Variants in CPNE8 observed in about 807,000 individuals in gnomAD.
CPNE8 encodes the protein copine-8.
In CPNE8, 45 loss-of-function variants were observed where a neutral mutation model predicts 81.5. The ratio of observed to expected loss-of-function variants is 0.55; its 90% CI spans 0.44 to 0.71. The LOEUF (loss-of-function observed/expected upper bound fraction) is 0.71. CPNE8 is among the 30% of genes least tolerant of loss of function. CPNE8 has a pLI of 0.00. For missense variants in CPNE8, 594 were observed against 672.1 expected (o/e 0.88, Z 1.28); for synonymous variants, 252 against 226.3 (o/e 1.11, Z -1.02).
chr12:38,797,319 C>T (rs1038727543), intron 6 of CPNE8, among the ~76,000 whole-genome samples: 1 of 152,172 alleles, frequency 6.6e-6, no homozygotes, highest in Non-Finnish European at 1.5e-5. Flanking sequence ...AGACTGACAC[C>T]TCACACGGCC....
At chr12:38,716,362 C>G (rs1940391785) in intron 13 of CPNE8, among the ~76,000 whole-genome samples, 1 of 151,924 alleles carries the variant, frequency 6.6e-6, no homozygotes, top group African/African-American at 2.4e-5. Context: ...GCAAAAAGAA[C>G]AAATCTGGAG....
At chr12:38,865,547 C>A (rs1943901930) in intron 3 of CPNE8, among the ~76,000 whole-genome samples, 1 of 152,112 alleles carries the variant, frequency 6.6e-6, no homozygotes, top group African/African-American at 2.4e-5. Flanking sequence ...ATATAAAAGG[C>A]TTAAAAATGG....
intron 7 of CPNE8, among the ~76,000 whole-genome samples, 155 bp from the exon 8 acceptor site, chr12:38,767,893 A>G (rs1941723162): frequency 6.6e-6 from 1 of 152,204 alleles, no homozygotes; most frequent in Admixed American, 6.5e-5. Context: ...TTGCTTTTTA[A>G]AGGGTTATAT....
intron 6 of CPNE8, among the ~76,000 whole-genome samples, chr12:38,821,450 C>A (rs997107455): frequency 1.3e-5 from 2 of 152,146 alleles, no homozygotes; most frequent in African/African-American, 4.8e-5. Context: ...AGTTACCATT[C>A]GTAAAATAAT....
At chr12:38,724,474 T>G (rs1174012295) in intron 12 of CPNE8, among the ~76,000 whole-genome samples, 1 of 152,194 alleles carries the variant, frequency 6.6e-6, no homozygotes, top group Non-Finnish European at 1.5e-5. Context: ...GAAACGAGTC[T>G]TACTTATTAA....
At chr12:38,676,429 A>T (rs1592003279) in intron 17 of CPNE8, 1 of 339,836 alleles carries the variant, frequency 2.9e-6, no homozygotes, top group South Asian at 1.2e-4. Flanking sequence ...TCCTCTTTTC[A>T]TGTTCTTTCT....
At chr12:38,745,132 C>A (rs1456023452) in intron 10 of CPNE8, among the ~76,000 whole-genome samples, 2 of 152,178 alleles carry the variant, frequency 1.3e-5, no homozygotes, top group Admixed American at 6.6e-5. Context: ...CTTGATCTAC[C>A]TTTCTATGTC....
chr12:38,752,093 T>C (rs746453706), intron 10 of CPNE8, among the ~76,000 whole-genome samples: 11 of 152,228 alleles, frequency 7.2e-5, no homozygotes, highest in African/African-American at 9.6e-5. Context: ...TATTCCATCT[T>C]TTCATGTCAT....
At chr12:38,803,555 T>C (rs898062414) in intron 6 of CPNE8, among the ~76,000 whole-genome samples, 8 of 135,882 alleles carry the variant, frequency 5.9e-5, no homozygotes, top group Admixed American at 3.9e-4. Context: ...AATATCATAC[T>C]GAATGGGCAA....
intron 10 of CPNE8, among the ~76,000 whole-genome samples, chr12:38,745,736 G>A (rs1266892859): frequency 3.3e-5 from 5 of 152,102 alleles, no homozygotes; most frequent in Non-Finnish European, 7.4e-5. Flanking sequence ...GTAGAGACAA[G>A]GTCTCACTAT....
intron 14 of CPNE8, among the ~76,000 whole-genome samples, chr12:38,697,869 A>T (rs185143736): frequency 6.6e-6 from 1 of 152,236 alleles, no homozygotes; most frequent in Non-Finnish European, 1.5e-5. Context: ...TTCCATCATG[A>T]TTGAAAGCTT....
At chr12:38,848,512 G>A (rs1283856353) in intron 4 of CPNE8, 47 bp downstream of exon 4, 1 of 1,527,976 alleles carries the variant, frequency 6.5e-7, no homozygotes, top group African/African-American at 1.4e-5. Context: ...TAGTAATATT[G>A]TCTTTAAAAT....
At chr12:38,675,950 T>G (rs1397447098) in intron 17 of CPNE8, among the ~76,000 whole-genome samples, 176 bp from the exon 18 acceptor site, 2 of 151,806 alleles carry the variant, frequency 1.3e-5, no homozygotes, top group Non-Finnish European at 1.5e-5. Flanking sequence ...TGAGACCCCA[T>G]CTACACCAAA....
At chr12:38,900,846 A>G (rs932674571) in intron 1 of CPNE8, among the ~76,000 whole-genome samples, 3 of 152,130 alleles carry the variant, frequency 2.0e-5, no homozygotes, top group Admixed American at 1.3e-4. Context: ...CCAGGTCAGG[A>G]AGGGCTTTTT....
intron 19 of CPNE8, among the ~76,000 whole-genome samples, chr12:38,668,926 C>T (rs1182010628): frequency 6.6e-6 from 1 of 151,994 alleles, no homozygotes; most frequent in East Asian, 1.9e-4. Flanking sequence ...TGGTGGCAGG[C>T]ACCTGTAGTC....
At chr12:38,787,925 C>T (rs1328372373) in intron 6 of CPNE8, among the ~76,000 whole-genome samples, 3 of 89,512 alleles carry the variant, frequency 3.4e-5, no homozygotes, top group African/African-American at 1.2e-4. Context: ...AGAACAATAA[C>T]AAGTAAGGAA....
At chr12:38,656,443 C>T (rs1938820250) in intron 19 of CPNE8, among the ~76,000 whole-genome samples, 1 of 151,552 alleles carries the variant, frequency 6.6e-6, no homozygotes, top group Non-Finnish European at 1.5e-5. Context: ...GGGAGATCTC[C>T]CCTGCTTCTT....
At chr12:38,688,810 T>C (rs903538405) in intron 15 of CPNE8, among the ~76,000 whole-genome samples, 1 of 152,058 alleles carries the variant, frequency 6.6e-6, no homozygotes, top group Non-Finnish European at 1.5e-5. Flanking sequence ...ATAATGGACT[T>C]GGAGACTGGC....
chr12:38,762,326 T>A lies in CPNE8; in HGVS notation c.576-110A>T, dbSNP rs114254112. ...TTTTGTTCAGAATAGTCAGTTCCGC[T>A]GTTGCTGCTACATCACTTCATGGAA... On this transcript the variant is annotated intron_variant, in intron 8 of 19. Transcript: ENST00000331366. 8.2e-3 allele frequency: 3,892 copies of A among 474,406 alleles called. 120 individuals carry two copies. The highest frequency in any genetic ancestry group is 0.069 in the African/African-American group (3,451 of 50,122). 29.4% of individuals were successfully genotyped at this position (474,406 alleles called of 1,614,324 possible). A position where few individuals can be genotyped will look rare whatever the true frequency, so the allele number is the denominator to read the frequency against.
Sources: allele counts gnomAD v4.1 joint callset (sites outside exome capture counted in the v4.1 genomes callset), GRCh38; gene constraint gnomAD v4.1.1; transcripts MANE v1.5; gene names NCBI Gene and HGNC (gene_info 2026-07-23, HGNC 2026-07-21).